The following SPRED1 variants were observed in gnomAD, a reference collection of about 807,000 sequenced individuals.
SPRED1 encodes sprouty-related, EVH1 domain-containing protein 1.
SPRED1 carries 18 observed loss-of-function variants against 52.3 expected under a neutral mutation model. That is an observed-to-expected ratio of 0.34 (90% CI 0.24 to 0.51). SPRED1 has a LOEUF of 0.51. Among genes scored for constraint, SPRED1 ranks in the 20% least tolerant of loss-of-function variants. The pLI is 0.97. For missense variants in SPRED1, 485 were observed against 551.0 expected (o/e 0.88, Z 1.20); for synonymous variants, 155 against 179.7 (o/e 0.86, Z 1.10).
intron 1 of SPRED1, among the ~76,000 whole-genome samples, chr15:38,288,628 A>T (rs1000156986): frequency 2.0e-5 from 3 of 152,154 alleles, no homozygotes; most frequent in Non-Finnish European, 4.4e-5. Flanking sequence ...GTAGAAGAGA[A>T]CTATTATACT....
intron 4 of SPRED1, chr15:38,326,388 G>C (rs1489878155): frequency 6.6e-6 from 1 of 152,184 alleles, no homozygotes; most frequent in Non-Finnish European, 1.5e-5. Context: ...GGGCTTTGCT[G>C]GTTTTGAGAA....
Position 38,265,506 on chromosome 15 carries a change from A to G in SPRED1, c.32+12289A>G, listed in dbSNP as rs978473635. ...GAAAAACTTAAAATCTAAAAATTCCAACATTAGAAAAAAATTTATATTGTG... is the reference window on the plus strand; with the variant it reads ...GAAAAACTTAAAATCTAAAAATTCCGACATTAGAAAAAAATTTATATTGTG... On this transcript the variant is annotated intron_variant, in intron 1 of 6. Coordinates refer to ENST00000299084, the MANE Select transcript of SPRED1 (RefSeq NM_152594.3). 2.6e-5 allele frequency among the ~76,000 whole-genome samples: 4 copies of G among 152,254 alleles called. No homozygotes were observed. In the East Asian group the frequency reaches 7.7e-4, roughly 29 times the overall value.
intron 1 of SPRED1, among the ~76,000 whole-genome samples, chr15:38,295,754 A>T (rs925562516): frequency 6.6e-6 from 1 of 152,198 alleles, no homozygotes; most frequent in South Asian, 2.1e-4. Flanking sequence ...ATAATTGAAC[A>T]TCTGGTTAAT....
At position 38,295,939 on chromosome 15, in the gene SPRED1, G is replaced by A. The variant is rs1350961871; in HGVS notation, c.33-3434G>A. ...TCTGCCTTCTTGGTGGAGAGAAAAG[G>A]AAGAGTCGGGAACTTTTGGTTGTGA... On this transcript the variant is annotated intron_variant, in intron 1 of 6. Coordinates refer to ENST00000299084, the MANE Select transcript of SPRED1 (RefSeq NM_152594.3). Among the ~76,000 whole-genome samples the A allele has an allele frequency of 4.6e-5, 7 of 152,122 alleles. 1 individual carries two copies. Among genetic ancestry groups the A allele is most frequent in the Non-Finnish European group, 1.0e-4 (7 of 68,020 alleles).
intron 2 of SPRED1, among the ~76,000 whole-genome samples, chr15:38,306,236 A>G (rs1895247823): frequency 6.6e-6 from 1 of 152,134 alleles, no homozygotes; most frequent in Non-Finnish European, 1.5e-5. Context: ...CTTGTAGTTC[A>G]TCAGAAGTAC....
chr15:38,273,415 G>A (rs890117143), intron 1 of SPRED1, among the ~76,000 whole-genome samples: 1 of 151,558 alleles, frequency 6.6e-6, no homozygotes, highest in Non-Finnish European at 1.5e-5. Flanking sequence ...TGTAAGAAGG[G>A]TTAAAGATTT....
In SPRED1 at chr15:38,353,125, G is replaced by T. The variant is rs907321248; in HGVS notation, c.*1461G>T. 1 of 152,412 alleles carries T rather than the reference G, an allele frequency of 6.6e-6. No homozygotes were observed. The highest frequency in any genetic ancestry group is 2.1e-4 in the South Asian group (1 of 4,834). 9.4% of individuals were successfully genotyped at this position (152,412 alleles called of 1,614,324 possible). A position where few individuals can be genotyped will look rare whatever the true frequency, so the allele number is the denominator to read the frequency against. Reference sequence around the variant, plus strand: ...AAGAACATTCCCTTAGAGGGATAAAGTTGAGAAGTGTGCCTTTTTTTTAAT... The same window carrying T: ...AAGAACATTCCCTTAGAGGGATAAATTTGAGAAGTGTGCCTTTTTTTTAAT... On this transcript the variant is annotated 3_prime_UTR_variant, in exon 7 of 7. Transcript: ENST00000299084.
chr15:38,292,471 A>G (rs1035919092), intron 1 of SPRED1, among the ~76,000 whole-genome samples: 1 of 152,226 alleles, frequency 6.6e-6, no homozygotes, highest in Admixed American at 6.5e-5. Flanking sequence ...GAGACTGGGA[A>G]GAAAAAGAGG....
At chr15:38,341,233 T>G (rs964257885) in intron 5 of SPRED1, among the ~76,000 whole-genome samples, 1 of 152,000 alleles carries the variant, frequency 6.6e-6, no homozygotes, top group African/African-American at 2.4e-5. Flanking sequence ...TAGGGGTTGA[T>G]AAATTTTAGC....
At chr15:38,293,551 C>A (rs1163431621) in intron 1 of SPRED1, among the ~76,000 whole-genome samples, 1 of 152,142 alleles carries the variant, frequency 6.6e-6, no homozygotes, top group East Asian at 1.9e-4. Flanking sequence ...AAACTCAGCT[C>A]TTCTCTGTAA....
intron 1 of SPRED1, among the ~76,000 whole-genome samples, chr15:38,263,551 G>C (rs1287523186): frequency 6.6e-6 from 1 of 152,184 alleles, no homozygotes; most frequent in Non-Finnish European, 1.5e-5. Context: ...AGAGCTCTGA[G>C]AGGAAAGTAT....
At chr15:38,303,881 A>C (rs1895198469) in intron 2 of SPRED1, among the ~76,000 whole-genome samples, 1 of 152,134 alleles carries the variant, frequency 6.6e-6, no homozygotes. Flanking sequence ...AGAGTGACAA[A>C]GATAATGTGG....
In SPRED1 at chr15:38,334,703, T is replaced by G. The variant is rs11491096; in HGVS notation, c.424-5034T>G. Among the ~76,000 whole-genome samples the G allele has an allele frequency of 2.0e-5, 3 of 152,074 alleles. No individual in the cohort carries two copies. In the South Asian group the frequency reaches 6.2e-4, roughly 32 times the overall value. Reference sequence around the variant, plus strand: ...GCTGCACAGAATTCTGTCATATATCTTAATTTTTGACCAGTTCCCTGCTGG... The same window carrying G: ...GCTGCACAGAATTCTGTCATATATCGTAATTTTTGACCAGTTCCCTGCTGG... On this transcript the variant is annotated intron_variant, in intron 4 of 6. Coordinates refer to ENST00000299084, the MANE Select transcript of SPRED1 (RefSeq NM_152594.3).
Position 38,351,812 on chromosome 15 carries a change from C to T in SPRED1, c.*148C>T, listed in dbSNP as rs1033084809. 5.6e-5 allele frequency: 55 copies of T among 981,346 alleles called. No individual in the cohort carries two copies. The highest frequency in any genetic ancestry group is 5.0e-4 in the African/African-American group (31 of 61,604). The allele number at this position is 981,346 out of a possible 1,614,324, so 60.8% of individuals were successfully genotyped here. A position where few individuals can be genotyped will look rare whatever the true frequency, so the allele number is the denominator to read the frequency against. On this transcript the variant is annotated 3_prime_UTR_variant, in exon 7 of 7. Coordinates refer to ENST00000299084, the MANE Select transcript of SPRED1 (RefSeq NM_152594.3). ...GGAAGCAGAACTCATCAGTTCTTGG[C>T]GTTTCACGCCATGCCTAACTTTTCC... is the stretch of plus-strand genomic sequence containing the variant.
chr15:38,341,423 C>G (rs748506210), intron 5 of SPRED1, among the ~76,000 whole-genome samples: 1 of 149,724 alleles, frequency 6.7e-6, no homozygotes, highest in Admixed American at 6.6e-5. Flanking sequence ...TCCTTTTTTT[C>G]TCTCTTTTTC....
intron 1 of SPRED1, among the ~76,000 whole-genome samples, chr15:38,276,424 A>G (rs139416551): frequency 6.6e-6 from 1 of 152,276 alleles, no homozygotes; most frequent in East Asian, 1.9e-4. Flanking sequence ...TTAGAGTAAT[A>G]CTATACACCC....
At chr15:38,343,917 T>C (rs997984031) in intron 5 of SPRED1, among the ~76,000 whole-genome samples, 71 of 152,074 alleles carry the variant, frequency 4.7e-4, no homozygotes, top group Non-Finnish European at 2.9e-5. Context: ...AAATTTATTA[T>C]GAAATTTTAT....
chr15:38,276,350 G>A (rs1916147), intron 1 of SPRED1, among the ~76,000 whole-genome samples: 125,098 of 151,568 alleles, frequency 0.83, 52,358 homozygotes, highest in Non-Finnish European at 0.9. Flanking sequence ...ATAAATATGC[G>A]GAAGTGTTAT....
chr15:38,304,925 TCAAA>T (rs999300191), intron 2 of SPRED1, among the ~76,000 whole-genome samples: 6 of 152,228 alleles, frequency 3.9e-5, no homozygotes, highest in Non-Finnish European at 5.9e-5. Flanking sequence ...AGTCAATCTC[TCAAA>T]CAACCCTTTC....
Sources: allele counts gnomAD v4.1 joint callset (sites outside exome capture counted in the v4.1 genomes callset), GRCh38; gene constraint gnomAD v4.1.1; transcripts MANE v1.5; gene names NCBI Gene and HGNC (gene_info 2026-07-23, HGNC 2026-07-21).